The following EPHA5 variants were observed in gnomAD, a reference collection of about 807,000 sequenced individuals.
The protein encoded by EPHA5 is ephrin type-A receptor 5.
EPHA5 carries 60 observed loss-of-function variants against 105.0 expected under a neutral mutation model. That is an observed-to-expected ratio of 0.57 (90% confidence interval 0.46 to 0.71). The LOEUF (loss-of-function observed/expected upper bound fraction) is 0.71. Among genes scored for constraint, EPHA5 ranks in the 30% least tolerant of loss-of-function variants. EPHA5 has a pLI of 0.00. For synonymous variants in EPHA5, 513 were observed against 449.1 expected (o/e 1.14, Z -1.80); for missense variants, 1,218 against 1,274.7 (o/e 0.96, Z 0.68).
At chr4:65,574,664 A>ATG in intron 3 of EPHA5, among the ~76,000 whole-genome samples, 1 of 40,982 alleles carries the variant, frequency 2.4e-5, no homozygotes, top group African/African-American at 6.9e-5. Flanking sequence ...ACATATATAT[A>ATG]TACACATATA....
chr4:65,666,506 C>G (rs1448377395), intron 1 of EPHA5, among the ~76,000 whole-genome samples: 3 of 152,182 alleles, frequency 2.0e-5, no homozygotes, highest in Non-Finnish European at 4.4e-5. Context: ...TGGACATGAA[C>G]CCTTTACTTA....
chr4:65,579,059 A>G (rs922530671), intron 3 of EPHA5, among the ~76,000 whole-genome samples: 1 of 152,018 alleles, frequency 6.6e-6, no homozygotes, highest in Non-Finnish European at 1.5e-5. Flanking sequence ...TTAATCTAAA[A>G]TAAAAATAGC....
At chr4:65,643,641 T>C (rs1747861607) in intron 1 of EPHA5, among the ~76,000 whole-genome samples, 1 of 151,598 alleles carries the variant, frequency 6.6e-6, no homozygotes. Context: ...CACAGCAAAA[T>C]TCTCTGAAAG....
chr4:65,649,302 T>C (rs903387214), intron 1 of EPHA5, among the ~76,000 whole-genome samples: 3 of 152,148 alleles, frequency 2.0e-5, no homozygotes, highest in African/African-American at 7.2e-5. Flanking sequence ...AAACATCAGA[T>C]CACTTTATTA....
intron 2 of EPHA5, among the ~76,000 whole-genome samples, chr4:65,639,192 A>G (rs1273750028): frequency 1.3e-5 from 2 of 152,230 alleles, no homozygotes; most frequent in Non-Finnish European, 2.9e-5. Flanking sequence ...GAAAATAAAG[A>G]TGCAGTTTTC....
At position 65,640,282 on chromosome 4, in the gene EPHA5, C is replaced by CTTTTTTT. The variant is rs869149037; in HGVS notation, c.246+3074_246+3080dup. Among the ~76,000 whole-genome samples, 58 of 92,226 alleles carry CTTTTTTT rather than the reference C, an allele frequency of 6.3e-4. 1 individual carries two copies. Among genetic ancestry groups the CTTTTTTT allele is most frequent in the East Asian group, 7.1e-4 (2 of 2,822 alleles). The allele number at this position is 92,226 out of a possible 152,430, so 60.5% of individuals were successfully genotyped here. ...CATTGAAGTCATTGCTCAGTTTTTT[C>CTTTTTTT]TTTTTTTTTTTTTTTTTTTTTGAGA... On this transcript the variant is annotated intron_variant, in intron 2 of 16. Coordinates refer to ENST00000613740, the MANE Select transcript of EPHA5 (RefSeq NM_001281766.3).
At chr4:65,629,895 G>A (rs984442600) in intron 2 of EPHA5, among the ~76,000 whole-genome samples, 1 of 152,118 alleles carries the variant, frequency 6.6e-6, no homozygotes, top group African/African-American at 2.4e-5. Flanking sequence ...GTCAATGTGA[G>A]CTAGTCACTT....
At chr4:65,574,601 T>TATATATATAC (rs1491430361) in intron 3 of EPHA5, among the ~76,000 whole-genome samples, 892 of 87,782 alleles carry the variant, frequency 0.01, 57 homozygotes, top group Non-Finnish European at 0.016. Context: ...TATATTGCTG[T>TATATATATAC]ATATATATAT....
At chr4:65,583,557 A>C (rs1446105625) in intron 3 of EPHA5, among the ~76,000 whole-genome samples, 1 of 151,796 alleles carries the variant, frequency 6.6e-6, no homozygotes, top group African/African-American at 2.4e-5. Context: ...AACAATTTGT[A>C]GTTGATAAAG....
chr4:65,351,388 C>A lies in EPHA5; in HGVS notation c.2445+1G>T. The A allele has an allele frequency of 6.2e-7, 1 of 1,613,344 alleles. No homozygotes were observed. Among genetic ancestry groups the A allele is most frequent in the Non-Finnish European group, 8.5e-7 (1 of 1,179,556 alleles). ...TAGAAATGCACTCTGTTAGATCTTA[C>A]CCTTGTGGTGTAGGCTGCCTCGGGA... On this transcript the variant is annotated splice_donor_variant, in intron 13 of 16. Coordinates refer to ENST00000613740, the MANE Select transcript of EPHA5 (RefSeq NM_001281766.3). LOFTEE classifies it high-confidence loss of function.
intron 3 of EPHA5, among the ~76,000 whole-genome samples, chr4:65,584,447 A>AT (rs1741926085): frequency 6.6e-6 from 1 of 151,810 alleles, no homozygotes; most frequent in Admixed American, 6.6e-5. Flanking sequence ...CCCTTTTCGG[A>AT]TTTTTTGAGT....
At chr4:65,409,494 C>A (rs1368711260) in intron 7 of EPHA5, among the ~76,000 whole-genome samples, 1 of 152,118 alleles carries the variant, frequency 6.6e-6, no homozygotes, top group East Asian at 1.9e-4. Flanking sequence ...TGAGAAGTCA[C>A]ATTTTTAACT....
chr4:65,515,854 C>G (rs1734057765), intron 3 of EPHA5, among the ~76,000 whole-genome samples: 1 of 152,092 alleles, frequency 6.6e-6, no homozygotes, highest in Non-Finnish European at 1.5e-5. Flanking sequence ...TAGACGTCAT[C>G]CAGTCCTTTG....
At chr4:65,571,372 A>T (rs1375204083) in intron 3 of EPHA5, among the ~76,000 whole-genome samples, 1 of 151,896 alleles carries the variant, frequency 6.6e-6, no homozygotes, top group Non-Finnish European at 1.5e-5. Context: ...GTCTAAATCA[A>T]TAAGTGTTAA....
chr4:65,453,676 C>T (rs1047967221), intron 5 of EPHA5, among the ~76,000 whole-genome samples: 1 of 152,062 alleles, frequency 6.6e-6, no homozygotes, highest in African/African-American at 2.4e-5. Flanking sequence ...GCACATGCTC[C>T]CCCGACCAGT....
At chr4:65,582,931 T>C (rs1578491707) in intron 3 of EPHA5, among the ~76,000 whole-genome samples, 1 of 151,688 alleles carries the variant, frequency 6.6e-6, no homozygotes, top group East Asian at 1.9e-4. Context: ...TTTGCTTTCT[T>C]ATTATATCTT....
intron 5 of EPHA5, 119 bp downstream of exon 5, chr4:65,490,258 C>T: frequency 1.1e-6 from 1 of 946,430 alleles, no homozygotes; most frequent in Non-Finnish European, 1.6e-6. Context: ...ACTTTAAGTC[C>T]TGACCTTCCG....
chr4:65,436,023 A>G (rs535742576), intron 5 of EPHA5, among the ~76,000 whole-genome samples: 5 of 152,172 alleles, frequency 3.3e-5, no homozygotes, highest in African/African-American at 1.2e-4. Flanking sequence ...AGATGCTATA[A>G]TGTTCTCAAT....
intron 3 of EPHA5, among the ~76,000 whole-genome samples, chr4:65,528,547 A>G (rs914883867): frequency 1.3e-5 from 2 of 152,100 alleles, no homozygotes; most frequent in Non-Finnish European, 2.9e-5. Context: ...ATTAAAATCC[A>G]TCTTTTATTG....
Sources: gnomAD v4.1 joint callset for allele counts (sites outside exome capture counted in the v4.1 genomes callset) on GRCh38, gnomAD v4.1.1 for gene constraint, MANE v1.5 for transcripts, NCBI Gene and HGNC (gene_info 2026-07-23, HGNC 2026-07-21) for gene names.